The following FAAP100 variants were observed in gnomAD, a reference collection of about 807,000 sequenced individuals.
The protein encoded by FAAP100 is FA core complex associated protein 100.
FAAP100 carries 46 observed loss-of-function variants against 65.8 expected under a neutral mutation model. The observed-to-expected ratio is 0.70, with a 90% CI of 0.55 to 0.89. The LOEUF (loss-of-function observed/expected upper bound fraction) is 0.89. Ranked by LOEUF, FAAP100 falls within the 40% of genes least tolerant of loss-of-function variation. The pLI, the probability that FAAP100 is intolerant of heterozygous loss-of-function variation, is 0.00. For missense variants in FAAP100, 1,165 were observed against 1,196.7 expected, an observed-to-expected ratio of 0.97 and a Z score of 0.39; for synonymous variants, 663 against 555.1, an observed-to-expected ratio of 1.19 and a Z score of -2.73.
At chr17:81,540,978 C>A in intron 8 of FAAP100, 28 bp from the exon 9 acceptor site, 1 of 1,547,494 alleles carries the variant, frequency 6.5e-7, no homozygotes, top group Non-Finnish European at 8.7e-7. Context: ...ACAGCTCAGG[C>A]CCCCCACCTG....
chr17:81,551,762 G>A (rs551742830), intron 2 of FAAP100, 166 bp downstream of exon 2: 13 of 1,366,022 alleles, frequency 9.5e-6, no homozygotes, highest in Non-Finnish European at 1.2e-5. Flanking sequence ...CTTGCAGAAA[G>A]AGTGCTGGGG....
rs1190726353 is a variant in FAAP100 at position 81,540,509 on chromosome 17, A to T, written c.*310T>A. On this transcript the variant is annotated 3_prime_UTR_variant, in exon 9 of 9. Coordinates refer to ENST00000327787, the MANE Select transcript of FAAP100 (RefSeq NM_025161.6). ...CTCAGGGGCTGCTGCGGTGGTGGGA[A>T]GGCTGCCCAGCAGTGAGGAAGGCGA... The T allele has an allele frequency of 2.4e-6, 1 of 414,030 alleles. No homozygotes were observed. The highest frequency in any genetic ancestry group is 2.0e-5 in the African/African-American group (1 of 49,028). The allele number at this position is 414,030 out of a possible 1,614,324, so 25.6% of individuals were successfully genotyped here.
intron 4 of FAAP100, among the ~76,000 whole-genome samples, chr17:81,548,722 G>A (rs956595781): frequency 2.6e-5 from 4 of 151,442 alleles, no homozygotes; most frequent in South Asian, 2.1e-4. Flanking sequence ...CTGGGCGACA[G>A]AGTGAAATTC....
intron 2 of FAAP100, 28 bp from the exon 3 acceptor site, chr17:81,551,231 G>A: frequency 1.4e-6 from 2 of 1,478,232 alleles, no homozygotes; most frequent in Non-Finnish European, 1.8e-6. Flanking sequence ...CACTGGTCAG[G>A]CCTGGGCAGG....
intron 4 of FAAP100, chr17:81,548,077 C>A: frequency 1.5e-6 from 1 of 645,674 alleles, no homozygotes; most frequent in Non-Finnish European, 2.8e-6. Flanking sequence ...CTCTTTTCTC[C>A]CTTGCAGCCT....
intron 7 of FAAP100, among the ~76,000 whole-genome samples, chr17:81,542,160 C>G (rs2033121825): frequency 1.2e-5 from 1 of 80,914 alleles, no homozygotes; most frequent in Non-Finnish European, 2.2e-5. Context: ...GAGTGAGACT[C>G]CGTCTCAAAA....
chr17:81,543,985 C>T lies in FAAP100; in HGVS notation c.2427+19G>A. On this transcript the variant is annotated intron_variant, in intron 7 of 8. Transcript: ENST00000327787. The stretch of plus-strand genomic sequence containing the variant: ...GCGACCCACAGATCCTGGCCACCTT[C>T]CCCAGCGGGCCGACATACCTGCATG... 6.3e-7 allele frequency: 1 copy of T among 1,598,018 alleles called. No individual in the cohort carries two copies. The highest frequency in any genetic ancestry group is 8.6e-7 in the Non-Finnish European group (1 of 1,168,996).
In FAAP100 at chr17:81,540,305, G is replaced by A. The variant is rs186748276; in HGVS notation, c.*514C>T. Reference sequence around the variant, plus strand: ...CCTCGGGGTCCCAGAGTGGGCAGCCGGGCAGGTGTGAACAGTGTGACAAGG... The same window carrying A: ...CCTCGGGGTCCCAGAGTGGGCAGCCAGGCAGGTGTGAACAGTGTGACAAGG... On this transcript the variant is annotated 3_prime_UTR_variant, in exon 9 of 9. Transcript: ENST00000327787. 6.5e-5 allele frequency: 26 copies of A among 398,908 alleles called. No homozygotes were observed. The highest frequency in any genetic ancestry group is 1.6e-4 in the African/African-American group (8 of 48,752). 24.7% of individuals were successfully genotyped at this position (398,908 alleles called of 1,614,324 possible). A position where few individuals can be genotyped will look rare whatever the true frequency, so the allele number is the denominator to read the frequency against.
At chr17:81,541,838 G>A (rs1361016328) in intron 7 of FAAP100, among the ~76,000 whole-genome samples, 1 of 152,138 alleles carries the variant, frequency 6.6e-6, no homozygotes, top group Non-Finnish European at 1.5e-5. Flanking sequence ...CCAGCCCAGT[G>A]TGGGCTGCAG....
chr17:81,550,079 C>T (rs1288595410), intron 3 of FAAP100, among the ~76,000 whole-genome samples, 169 bp downstream of exon 3: 2 of 152,250 alleles, frequency 1.3e-5, no homozygotes, highest in Admixed American at 6.5e-5. Context: ...CCACCACCAG[C>T]CCCTGGCTTG....
rs1432374037 is a variant in FAAP100, at chr17:81,552,215, G to A, written c.116C>T (p.Thr39Ile). ...LCHEAEVFLS[T>I]GSELVYVYDQ... ...GTACACGTAGACGAGCTCGCTCCCG[G>A]TGGACAGGAAGACCTCTGCCTCATG... is the stretch of plus-strand genomic sequence containing the variant. The change falls in exon 1 of 9, where the codon ACC becomes ATC. Residue 39 changes from threonine (T) to isoleucine (I), a missense_variant. Coordinates refer to ENST00000327787, the MANE Select transcript of FAAP100 (RefSeq NM_025161.6). The A allele has an allele frequency of 6.7e-7, 1 of 1,500,504 alleles. No individual in the cohort carries two copies. Among genetic ancestry groups the A allele is most frequent in the Non-Finnish European group, 8.8e-7 (1 of 1,131,456 alleles). 92.9% of individuals were successfully genotyped at this position (1,500,504 alleles called of 1,614,324 possible).
At position 81,551,071 on chromosome 17, in the gene FAAP100, G is replaced by C; in HGVS notation, c.423C>G (p.Val141=). ...CAFTLLDSVL[V]TLVQGPARWK... is the part of the protein sequence containing the mutation. ...ATCGGGCAGGGCCCTGCACCAGGGT[G>C]ACCAGCACACTGTCCAGCAAGGTGA... Residue 141 remains valine, a synonymous_variant, in exon 3 of 9, where the codon GTC becomes GTG. Transcript: ENST00000327787. 6.3e-7 allele frequency: 1 copy of C among 1,587,464 alleles called. No homozygotes were observed. The highest frequency in any genetic ancestry group is 8.6e-7 in the Non-Finnish European group (1 of 1,167,198).
rs2033462653 is a variant in FAAP100 at position 81,550,799 on chromosome 17, T to A, written c.695A>T (p.Asp232Val). 1 of 1,612,562 alleles carries A rather than the reference T, an allele frequency of 6.2e-7. No homozygotes were observed. Among genetic ancestry groups the A allele is most frequent in the African/African-American group, 1.3e-5 (1 of 74,922 alleles). ...DALFGLLFGADATLLQSPVVL... is the reference protein window; with the variant it reads ...DALFGLLFGAVATLLQSPVVL... ...CACAGGTGACTGCAGGAGGGTGGCA[T>A]CAGCTCCAAAGAGGAGCCCGAAGAG... is the stretch of plus-strand genomic sequence containing the variant. The change falls in exon 3 of 9, where the codon GAT (aspartate) becomes GTT (valine). Residue 232 changes from aspartate to valine, a missense_variant. Physicochemically the swap from Asp to Val is radical, Grantham distance 152. Transcript: ENST00000327787.
rs1392568088 is a variant in FAAP100 at position 81,550,650 on chromosome 17, C to A, written c.844G>T (p.Val282Phe). The change falls in exon 3 of 9, where the codon GTC becomes TTC. Residue 282 changes from valine to phenylalanine, a missense_variant. Coordinates refer to ENST00000327787, the MANE Select transcript of FAAP100 (RefSeq NM_025161.6). ...GTCTTCAAGGCCCCTATGAAGATGACGGGCTCCTCCAGGTGATGGAGGATC... is the reference window on the plus strand; with the variant it reads ...GTCTTCAAGGCCCCTATGAAGATGAAGGGCTCCTCCAGGTGATGGAGGATC... ...VKILHHLEEP[V>F]IFIGALKTEP... The A allele has an allele frequency of 6.2e-7, 1 of 1,612,916 alleles. No homozygotes were observed. The highest frequency in any genetic ancestry group is 1.7e-5 in the Admixed American group (1 of 60,004).
chr17:81,540,787 C>A lies in FAAP100; in HGVS notation c.*32G>T. 1 of 1,483,742 alleles carries A rather than the reference C, an allele frequency of 6.7e-7. No individual in the cohort carries two copies. Among genetic ancestry groups the A allele is most frequent in the Admixed American group, 2.2e-5 (1 of 45,794 alleles). 91.9% of individuals were successfully genotyped at this position (1,483,742 alleles called of 1,614,324 possible). ...GGGGGGCTGTGACAGAGGCTGGAAG[C>A]GTGGCCAGAGCCCAGGGGCAGGCCC... On this transcript the variant is annotated 3_prime_UTR_variant, in exon 9 of 9. Coordinates refer to ENST00000327787, the MANE Select transcript of FAAP100 (RefSeq NM_025161.6).
Position 81,552,258 on chromosome 17 carries a change from T to C in FAAP100, c.73A>G (p.Lys25Glu), listed in dbSNP as rs1411632890. The change falls in exon 1 of 9, where the codon AAG becomes GAG. Residue 25 changes from lysine (K) to glutamate (E), a missense_variant. Lys to Glu is a moderately conservative substitution (Grantham distance 56). Coordinates refer to ENST00000327787, the MANE Select transcript of FAAP100 (RefSeq NM_025161.6). ...CCPLGGLAAG[K>E]PRVLCHEAEV... Reference sequence around the variant, plus strand: ...GCCTCATGGCACAGCACGCGGGGCTTGCCCGCCGCCAGGCCCCCGAGAGGG... The same window carrying C: ...GCCTCATGGCACAGCACGCGGGGCTCGCCCGCCGCCAGGCCCCCGAGAGGG... 7 of 1,480,062 alleles carry C rather than the reference T, an allele frequency of 4.7e-6. No homozygotes were observed. The highest frequency in any genetic ancestry group is 3.0e-5 in the East Asian group (1 of 33,766). The allele number at this position is 1,480,062 out of a possible 1,614,324, so 91.7% of individuals were successfully genotyped here.
rs2033014558 is a variant in FAAP100 at position 81,539,935 on chromosome 17, A to T, written c.*884T>A. ...GTTTGTCACAGCAGAGAAGCACCTC[A>T]CGGCTCCTACCCGCACTCATCGCGG... is the stretch of plus-strand genomic sequence containing the variant. On this transcript the variant is annotated 3_prime_UTR_variant, in exon 9 of 9. Coordinates refer to ENST00000327787, the MANE Select transcript of FAAP100 (RefSeq NM_025161.6). 2.5e-6 allele frequency: 1 copy of T among 398,648 alleles called. No individual in the cohort carries two copies. Among genetic ancestry groups the T allele is most frequent in the South Asian group, 1.3e-4 (1 of 7,874 alleles). 24.7% of individuals were successfully genotyped at this position (398,648 alleles called of 1,614,324 possible). A position where few individuals can be genotyped will look rare whatever the true frequency, so the allele number is the denominator to read the frequency against.
At chr17:81,549,431 T>G (rs2033418304) in intron 3 of FAAP100, 69 bp from the exon 4 acceptor site, 1 of 1,533,906 alleles carries the variant, frequency 6.5e-7, no homozygotes, top group Non-Finnish European at 8.8e-7. Flanking sequence ...CTCGGTGGTG[T>G]TTCCCTGGAC....
chr17:81,541,973 C>T (rs2033111300), intron 7 of FAAP100, among the ~76,000 whole-genome samples: 1 of 151,616 alleles, frequency 6.6e-6, no homozygotes, highest in Admixed American at 6.6e-5. Flanking sequence ...CGAGACCATC[C>T]CGGCTAAAAC....
Sources: gnomAD v4.1 joint callset for allele counts (sites outside exome capture counted in the v4.1 genomes callset) on GRCh38, gnomAD v4.1.1 for gene constraint, MANE v1.5 for transcripts, NCBI Gene and HGNC (gene_info 2026-07-23, HGNC 2026-07-21) for gene names.